The following CALN1 variants were observed in gnomAD, a reference collection of about 807,000 sequenced individuals.
CALN1 encodes calneuron 1, also known as calcium-binding protein 8.
CALN1 carries 17 observed loss-of-function variants against 30.6 expected under a neutral mutation model. That is an observed-to-expected ratio of 0.56 (90% confidence interval 0.38 to 0.83). The LOEUF (loss-of-function observed/expected upper bound fraction) is 0.83, where lower values mean the gene tolerates loss of function less well. Ranked by LOEUF, CALN1 falls within the 40% of genes least tolerant of loss-of-function variation. The probability of loss-of-function intolerance (pLI) is 0.00; values close to 1 mark genes in which losing one functional copy is unlikely to be tolerated. For synonymous variants in CALN1, 156 were observed against 131.4 expected, an observed-to-expected ratio of 1.19 and a Z score of -1.28; for missense variants, 291 against 354.9, an observed-to-expected ratio of 0.82 and a Z score of 1.45.
chr7:71,985,584 CTTTTTT>C (rs962922789), intron 5 of CALN1, among the ~76,000 whole-genome samples: 21 of 96,442 alleles, frequency 2.2e-4, no homozygotes, highest in East Asian at 7.6e-4. Context: ...AGGTAGTTTT[CTTTTTT>C]TTTTTTTTTT....
chr7:72,433,986 G>C (rs1224438128), intron 1 of CALN1, among the ~76,000 whole-genome samples: 1 of 151,860 alleles, frequency 6.6e-6, no homozygotes, highest in Non-Finnish European at 1.5e-5. Flanking sequence ...CTTGAGCCCA[G>C]GAGTTCAAAG....
intron 5 of CALN1, among the ~76,000 whole-genome samples, chr7:71,882,138 T>C (rs1562868548): frequency 1.4e-4 from 21 of 152,184 alleles, no homozygotes. Context: ...CTGGAAGCTC[T>C]AAGGCAGAAT....
intron 3 of CALN1, among the ~76,000 whole-genome samples, chr7:72,178,140 G>A (rs1789497197): frequency 6.6e-6 from 1 of 152,174 alleles, no homozygotes; most frequent in African/African-American, 2.4e-5. Context: ...CAATTCAGAA[G>A]GAGAATAAGG....
intron 4 of CALN1, among the ~76,000 whole-genome samples, chr7:72,039,799 C>T (rs557774592): frequency 6.6e-6 from 1 of 152,274 alleles, no homozygotes; most frequent in South Asian, 2.1e-4. Flanking sequence ...CTGAAGGTCT[C>T]TCCCTCCTCT....
At chr7:72,085,579 T>TGGATAA (rs1805432527) in intron 4 of CALN1, among the ~76,000 whole-genome samples, 1 of 152,174 alleles carries the variant, frequency 6.6e-6, no homozygotes, top group Non-Finnish European at 1.5e-5. Flanking sequence ...ATATGCCCCT[T>TGGATAA]GGATAAGGAG....
chr7:72,311,487 T>A (rs1243119766), intron 2 of CALN1, among the ~76,000 whole-genome samples: 1 of 151,858 alleles, frequency 6.6e-6, no homozygotes, highest in East Asian at 1.9e-4. Context: ...CTTTTTTGTG[T>A]GTGTGTGTGT....
At chr7:71,903,417 A>G (rs1228897051) in intron 5 of CALN1, among the ~76,000 whole-genome samples, 1 of 152,174 alleles carries the variant, frequency 6.6e-6, no homozygotes, top group Non-Finnish European at 1.5e-5. Context: ...CAGCCAACTG[A>G]TTTTTGACAA....
chr7:72,284,458 T>C (rs1797942213), intron 2 of CALN1, among the ~76,000 whole-genome samples: 1 of 152,176 alleles, frequency 6.6e-6, no homozygotes, highest in Non-Finnish European at 1.5e-5. Context: ...AGGGTGTTGC[T>C]GGATTAGGTT....
intron 2 of CALN1, among the ~76,000 whole-genome samples, chr7:72,381,457 C>A (rs1804894069): frequency 6.6e-6 from 1 of 152,110 alleles, no homozygotes. Context: ...GAATGGTAGA[C>A]TGGATAAAGA....
intron 5 of CALN1, among the ~76,000 whole-genome samples, chr7:71,857,010 ATATG>A (rs1461087195): frequency 1.5e-4 from 18 of 123,828 alleles, no homozygotes; most frequent in South Asian, 2.8e-4. Context: ...CATGGTGTGT[ATATG>A]TATGTGTGTG....
chr7:72,201,900 A>C (rs1256956613), intron 3 of CALN1, among the ~76,000 whole-genome samples: 1 of 152,028 alleles, frequency 6.6e-6, no homozygotes, highest in Non-Finnish European at 1.5e-5. Context: ...AGCAACCCAC[A>C]CTCCCTATCT....
At chr7:72,042,696 A>G (rs1029505154) in intron 4 of CALN1, among the ~76,000 whole-genome samples, 1 of 152,112 alleles carries the variant, frequency 6.6e-6, no homozygotes, top group Non-Finnish European at 1.5e-5. Context: ...TGATTGTGTC[A>G]CTGCACTCCA....
chr7:72,232,546 C>T (rs1323823050), intron 3 of CALN1, among the ~76,000 whole-genome samples: 2 of 152,152 alleles, frequency 1.3e-5, no homozygotes, highest in Non-Finnish European at 2.9e-5. Flanking sequence ...CTACAACCTC[C>T]GCTTCCCAGG....
At chr7:71,803,624 G>T (rs1481021580) in intron 6 of CALN1, among the ~76,000 whole-genome samples, 1 of 152,054 alleles carries the variant, frequency 6.6e-6, no homozygotes, top group East Asian at 1.9e-4. Flanking sequence ...ACAGGCTCCT[G>T]CCACCACACC....
chr7:71,965,504 T>C (rs1797487156), intron 5 of CALN1, among the ~76,000 whole-genome samples: 1 of 152,204 alleles, frequency 6.6e-6, no homozygotes, highest in Non-Finnish European at 1.5e-5. Flanking sequence ...CAGGAGTGAC[T>C]TTAATAGGTA....
chr7:72,179,982 C>T (rs1789642228), intron 3 of CALN1, among the ~76,000 whole-genome samples: 1 of 152,180 alleles, frequency 6.6e-6, no homozygotes, highest in Non-Finnish European at 1.5e-5. Flanking sequence ...TCACAAAGGT[C>T]ATTTTACATG....
chr7:72,219,285 G>A (rs1045256871), intron 3 of CALN1, among the ~76,000 whole-genome samples: 2 of 152,140 alleles, frequency 1.3e-5, no homozygotes, highest in Non-Finnish European at 2.9e-5. Flanking sequence ...GAGTGCAGTG[G>A]CATGATCATA....
intron 2 of CALN1, among the ~76,000 whole-genome samples, chr7:72,320,537 T>A (rs766537103): frequency 6.6e-6 from 1 of 152,032 alleles, no homozygotes; most frequent in African/African-American, 2.4e-5. Flanking sequence ...AGTTGAGCAA[T>A]TAGAATTACA....
chr7:72,396,471 G>A (rs952342501), intron 2 of CALN1, among the ~76,000 whole-genome samples: 3 of 151,186 alleles, frequency 2.0e-5, no homozygotes, highest in Non-Finnish European at 4.4e-5. Flanking sequence ...AGCAATGTAT[G>A]CAATTTTTCT....
Sources: gnomAD v4.1 joint callset for allele counts (sites outside exome capture counted in the v4.1 genomes callset) on GRCh38, gnomAD v4.1.1 for gene constraint, MANE v1.5 for transcripts, NCBI Gene and HGNC (gene_info 2026-07-23, HGNC 2026-07-21) for gene names.